The following CTNND2 variants were observed in gnomAD, a reference collection of about 807,000 sequenced individuals.
CTNND2 encodes the protein catenin delta-2.
Under a neutral mutation model 144.4 loss-of-function variants are expected in CTNND2, and 22 were observed. That is an observed-to-expected ratio of 0.15 (90% CI 0.11 to 0.22). The LOEUF is 0.22. Among genes scored for constraint, CTNND2 ranks in the 10% least tolerant of loss-of-function variants. The pLI is 1.00. For missense variants in CTNND2, 1,353 were observed against 1,618.8 expected (o/e 0.84, Z 2.82); for synonymous variants, 751 against 695.6 (o/e 1.08, Z -1.25).
intron 12 of CTNND2, among the ~76,000 whole-genome samples, chr5:11,123,958 C>G (rs1754398268): frequency 6.6e-6 from 1 of 152,188 alleles, no homozygotes; most frequent in Non-Finnish European, 1.5e-5. Context: ...AGACCAATGG[C>G]CATCAGCTTC....
Position 11,385,091 on chromosome 5 carries a change from CG to C in CTNND2, c.750del (p.Ala251ArgfsTer81). 1 of 981,864 alleles carries C rather than the reference CG, an allele frequency of 1.0e-6. No individual in the cohort carries two copies. Among genetic ancestry groups the C allele is most frequent in the Non-Finnish European group, 1.2e-6 (1 of 820,944 alleles). The allele number at this position is 981,864 out of a possible 1,614,324, so 60.8% of individuals were successfully genotyped here. A position where few individuals can be genotyped will look rare whatever the true frequency, so the allele number is the denominator to read the frequency against. ...AGCGTGGAGCTGGAGTAGTAGAGCGCGGCGGCGGCGGCGGCGGGCGGCGCGT... is the reference window on the plus strand; with the variant it reads ...AGCGTGGAGCTGGAGTAGTAGAGCGCGCGGCGGCGGCGGCGGGCGGCGCGT... ...LPDAPPAAAA[A>X]ALYYSSSTLP... On this transcript the variant is annotated frameshift_variant, in exon 7 of 22. Transcript: ENST00000304623. LOFTEE classifies it high-confidence loss of function.
chr5:11,788,196 T>C lies in CTNND2; in HGVS notation c.38-55924A>G, dbSNP rs139396980. On this transcript the variant is annotated intron_variant, in intron 1 of 21. Coordinates refer to ENST00000304623, the MANE Select transcript of CTNND2 (RefSeq NM_001332.4). The stretch of plus-strand genomic sequence containing the variant: ...TTTAAAACTAAAAATTCAAAAAATA[T>C]GTATCATAATATTCAGGACTCAAGA... 9.2e-4 allele frequency among the ~76,000 whole-genome samples: 140 copies of C among 152,284 alleles called. 1 individual carries two copies. The highest frequency in any genetic ancestry group is 3.3e-3 in the African/African-American group (138 of 41,558).
At chr5:11,130,121 AATG>A (rs1755423896) in intron 12 of CTNND2, among the ~76,000 whole-genome samples, 1 of 152,274 alleles carries the variant, frequency 6.6e-6, no homozygotes, top group Admixed American at 6.5e-5. Context: ...AAATCAGGAC[AATG>A]ATGGCTTGGT....
intron 1 of CTNND2, among the ~76,000 whole-genome samples, chr5:11,742,360 C>T (rs551204523): frequency 1.3e-5 from 2 of 152,254 alleles, no homozygotes; most frequent in East Asian, 1.9e-4. Context: ...CAGCAACAGA[C>T]TTCAACTCCA....
intron 1 of CTNND2, among the ~76,000 whole-genome samples, chr5:11,841,018 G>A (rs1433305493): frequency 6.6e-6 from 1 of 151,992 alleles, no homozygotes; most frequent in Non-Finnish European, 1.5e-5. Flanking sequence ...CATTTTCATT[G>A]AATTCTCACC....
chr5:10,998,929 C>T (rs568143360), intron 18 of CTNND2, among the ~76,000 whole-genome samples: 4 of 152,120 alleles, frequency 2.6e-5, no homozygotes, highest in Admixed American at 2.6e-4. Context: ...TTGGGAAGTC[C>T]TGTAACCAAT....
At position 11,165,345 on chromosome 5, in the gene CTNND2, G is replaced by A. The variant is rs550643423; in HGVS notation, c.1976-5586C>T. Reference sequence around the variant, plus strand: ...TCCCTGATAATTCTAAATTAGCCCAGGTAATACTAAAATTTCAATCTGAGG... The same window carrying A: ...TCCCTGATAATTCTAAATTAGCCCAAGTAATACTAAAATTTCAATCTGAGG... On this transcript the variant is annotated intron_variant, in intron 11 of 21. Transcript: ENST00000304623. Among the ~76,000 whole-genome samples the A allele has an allele frequency of 2.6e-5, 4 of 152,182 alleles. No homozygotes were observed. The South Asian group carries it at 8.3e-4, about 32-fold the overall frequency.
intron 9 of CTNND2, among the ~76,000 whole-genome samples, chr5:11,306,567 T>C (rs1192330054): frequency 6.6e-6 from 1 of 152,218 alleles, no homozygotes; most frequent in Non-Finnish European, 1.5e-5. Flanking sequence ...TTATTTGTCA[T>C]TCTGTTGCCT....
chr5:11,359,381 T>C (rs1756215987), intron 8 of CTNND2, among the ~76,000 whole-genome samples: 1 of 152,168 alleles, frequency 6.6e-6, no homozygotes, highest in African/African-American at 2.4e-5. Context: ...TGCCTCCTCA[T>C]CTAGGGAAAG....
intron 3 of CTNND2, among the ~76,000 whole-genome samples, chr5:11,492,120 T>A (rs950611855): frequency 6.6e-6 from 1 of 152,200 alleles, no homozygotes; most frequent in South Asian, 2.1e-4. Context: ...CATGCACACA[T>A]CCCATATATC....
chr5:11,645,017 G>C (rs1259424552), intron 2 of CTNND2, among the ~76,000 whole-genome samples: 2 of 152,106 alleles, frequency 1.3e-5, no homozygotes, highest in South Asian at 2.1e-4. Context: ...GGCTAGACTA[G>C]AGCTGCATAA....
chr5:11,557,619 A>G (rs960021986), intron 3 of CTNND2, among the ~76,000 whole-genome samples: 1 of 152,204 alleles, frequency 6.6e-6, no homozygotes, highest in African/African-American at 2.4e-5. Context: ...ACCCAGATTT[A>G]AAGGACTTGT....
At chr5:11,736,649 G>C (rs1182159102) in intron 1 of CTNND2, among the ~76,000 whole-genome samples, 1 of 152,128 alleles carries the variant, frequency 6.6e-6, no homozygotes, top group Admixed American at 6.6e-5. Context: ...TAACTTCGCA[G>C]TAATATGGCC....
At chr5:11,633,573 C>T (rs539637036) in intron 2 of CTNND2, among the ~76,000 whole-genome samples, 13 of 152,090 alleles carry the variant, frequency 8.5e-5, no homozygotes, top group South Asian at 6.2e-4. Flanking sequence ...GTCAGGAGTT[C>T]GAGACAACCA....
intron 1 of CTNND2, among the ~76,000 whole-genome samples, chr5:11,899,562 T>C (rs1414506646): frequency 1.3e-5 from 2 of 152,060 alleles, no homozygotes; most frequent in Non-Finnish European, 2.9e-5. Context: ...GGTAGGGAAA[T>C]TACAGCCATT....
In CTNND2 at chr5:11,396,946, C is replaced by G. The variant is rs962579564; in HGVS notation, c.612+85G>C. On this transcript the variant is annotated intron_variant, in intron 6 of 21. Coordinates refer to ENST00000304623, the MANE Select transcript of CTNND2 (RefSeq NM_001332.4). ...CACCTACAAAAAAGGCAGGCTGGAT[C>G]TCCACAATCTCCACATCCACTGCAT... The G allele has an allele frequency of 3.0e-6, 4 of 1,335,160 alleles. No individual in the cohort carries two copies. In the African/African-American group the frequency reaches 5.8e-5, roughly 20 times the overall value. 82.7% of individuals were successfully genotyped at this position (1,335,160 alleles called of 1,614,324 possible).
chr5:11,512,611 T>G (rs2150027245), intron 3 of CTNND2, among the ~76,000 whole-genome samples: 1 of 152,334 alleles, frequency 6.6e-6, no homozygotes, highest in Non-Finnish European at 1.5e-5. Flanking sequence ...AGCTTCAATT[T>G]TCCCAATGTG....
chr5:11,476,792 A>G (rs1767787651), intron 3 of CTNND2, among the ~76,000 whole-genome samples: 1 of 152,238 alleles, frequency 6.6e-6, no homozygotes, highest in Non-Finnish European at 1.5e-5. Flanking sequence ...CTCCTTACAA[A>G]AAATAATACT....
chr5:11,738,600 A>T (rs1299853465), intron 1 of CTNND2, among the ~76,000 whole-genome samples: 1 of 152,198 alleles, frequency 6.6e-6, no homozygotes, highest in African/African-American at 2.4e-5. Flanking sequence ...ACACACACGT[A>T]AATTCTTCAT....
Sources: allele counts gnomAD v4.1 joint callset (sites outside exome capture counted in the v4.1 genomes callset), GRCh38; gene constraint gnomAD v4.1.1; transcripts MANE v1.5; gene names NCBI Gene and HGNC (gene_info 2026-07-23, HGNC 2026-07-21).